Variants in RBFOX1 observed in about 807,000 individuals in gnomAD.
RBFOX1 encodes the protein RNA binding fox-1 homolog 1.
Under a neutral mutation model 57.7 loss-of-function variants are expected in RBFOX1, and 8 were observed. The observed-to-expected ratio is 0.14, with a 90% CI of 0.08 to 0.25. RBFOX1 has a LOEUF of 0.25. Ranked by LOEUF, RBFOX1 falls within the 10% of genes least tolerant of loss-of-function variation. RBFOX1 has a pLI of 1.00. For missense variants in RBFOX1, 611 were observed against 548.5 expected (o/e 1.11, Z -1.14); for synonymous variants, 326 against 222.4 (o/e 1.47, Z -4.15).
intron 1 of RBFOX1, among the ~76,000 whole-genome samples, chr16:6,217,564 G>A (rs2097343954): frequency 1.3e-5 from 2 of 152,170 alleles, no homozygotes; most frequent in Non-Finnish European, 2.9e-5. Flanking sequence ...GAAGAAGACT[G>A]TGCGCCTCCT....
At chr16:7,687,967 G>A (rs1017080200) in intron 14 of RBFOX1, among the ~76,000 whole-genome samples, 5 of 152,008 alleles carry the variant, frequency 3.3e-5, no homozygotes, top group Non-Finnish European at 5.9e-5. Flanking sequence ...TTAAATGACC[G>A]GGGTGTGGGC....
At chr16:5,596,470 A>G (rs1321472540) in intron 2 of RBFOX1, among the ~76,000 whole-genome samples, 1 of 152,160 alleles carries the variant, frequency 6.6e-6, no homozygotes, top group Non-Finnish European at 1.5e-5. Flanking sequence ...TGTTACTGAG[A>G]AAGACAGATT....
chr16:6,867,858 G>A (rs771036742), intron 3 of RBFOX1, among the ~76,000 whole-genome samples: 4 of 152,250 alleles, frequency 2.6e-5, no homozygotes, highest in Admixed American at 6.5e-5. Context: ...GCTGACAGGT[G>A]TCCCAGTTTC....
intron 3 of RBFOX1, among the ~76,000 whole-genome samples, chr16:5,625,962 C>T (rs1051341948): frequency 5.9e-5 from 9 of 152,270 alleles, no homozygotes; most frequent in East Asian, 3.9e-4. Flanking sequence ...CTGCACCCTC[C>T]GCCTCCTGGG....
intron 3 of RBFOX1, among the ~76,000 whole-genome samples, chr16:6,691,249 G>A (rs923893505): frequency 1.3e-5 from 2 of 152,102 alleles, no homozygotes; most frequent in Admixed American, 1.3e-4. Flanking sequence ...AATTATTCCC[G>A]TGTCTATACA....
chr16:6,138,722 CA>C (rs2096687943), intron 1 of RBFOX1, among the ~76,000 whole-genome samples: 3 of 152,078 alleles, frequency 2.0e-5, no homozygotes, highest in African/African-American at 7.2e-5. Flanking sequence ...AAAAAATTAG[CA>C]AGGGTTGGTG....
intron 10 of RBFOX1, among the ~76,000 whole-genome samples, chr16:7,622,241 G>C (rs1177195051): frequency 1.3e-5 from 2 of 151,716 alleles, no homozygotes; most frequent in South Asian, 2.1e-4. Flanking sequence ...CAAGGAAAAA[G>C]AGTTCTCTAT....
intron 1 of RBFOX1, among the ~76,000 whole-genome samples, chr16:5,356,514 G>C (rs754300894): frequency 3.3e-5 from 5 of 152,174 alleles, no homozygotes; most frequent in Non-Finnish European, 7.3e-5. Context: ...TGTGCTTTGG[G>C]GGAAAGGATA....
intron 2 of RBFOX1, among the ~76,000 whole-genome samples, chr16:6,408,997 T>C (rs2093373766): frequency 6.6e-6 from 1 of 152,218 alleles, no homozygotes; most frequent in South Asian, 2.1e-4. Context: ...TTCTGTTTTG[T>C]TCATCAATGC....
In RBFOX1 at chr16:6,543,448, T is replaced by C. The variant is rs144729031; in HGVS notation, c.-63-111155T>C. Among the ~76,000 whole-genome samples the C allele has an allele frequency of 3.3e-5, 5 of 152,256 alleles. No homozygotes were observed. In the East Asian group the frequency reaches 9.7e-4, roughly 29 times the overall value. On this transcript the variant is annotated intron_variant, in intron 2 of 15. Transcript: ENST00000550418. ...TGATTCAAGCCTGCTTGCAGAGGCATTTTCTTTCTTGACTCTGACATGTGG... is the reference window on the plus strand; with the variant it reads ...TGATTCAAGCCTGCTTGCAGAGGCACTTTCTTTCTTGACTCTGACATGTGG...
intron 4 of RBFOX1, among the ~76,000 whole-genome samples, chr16:7,159,417 A>ATTAGCATCT (rs2077821742): frequency 6.6e-6 from 1 of 152,118 alleles, no homozygotes; most frequent in South Asian, 2.1e-4. Flanking sequence ...ACGGGACAGG[A>ATTAGCATCT]TTAGCATCTA....
chr16:5,948,428 C>A (rs892860722), intron 4 of RBFOX1, among the ~76,000 whole-genome samples: 7 of 152,118 alleles, frequency 4.6e-5, no homozygotes, highest in Non-Finnish European at 1.0e-4. Context: ...AGCGTCTGCC[C>A]AAAATTCATG....
intron 3 of RBFOX1, among the ~76,000 whole-genome samples, chr16:6,766,542 A>T (rs11859094): frequency 1.3e-5 from 2 of 151,590 alleles, no homozygotes; most frequent in Non-Finnish European, 2.9e-5. Context: ...ACTTTCTGCA[A>T]TGACACCCAT....
In RBFOX1 at chr16:5,533,551, A is replaced by G. The variant is rs549059329; in HGVS notation, c.259-65351A>G. On this transcript the variant is annotated intron_variant, in intron 2 of 2. Coordinates refer to the RBFOX1 transcript ENST00000585867. Reference sequence around the variant, plus strand: ...ATTTAAAGTCTGAGCAGACTCCGTGACAACTTCAAACAGAGGCTTGGCTGA... The same window carrying G: ...ATTTAAAGTCTGAGCAGACTCCGTGGCAACTTCAAACAGAGGCTTGGCTGA... Among the ~76,000 whole-genome samples the G allele has an allele frequency of 3.3e-5, 5 of 152,312 alleles. No individual in the cohort carries two copies. The East Asian group carries it at 9.7e-4, about 29-fold the overall frequency.
At chr16:6,520,186 A>C (rs2096471366) in intron 2 of RBFOX1, among the ~76,000 whole-genome samples, 1 of 152,200 alleles carries the variant, frequency 6.6e-6, no homozygotes, top group African/African-American at 2.4e-5. Flanking sequence ...CTCTAAATTA[A>C]AAGCTTCCAA....
intron 3 of RBFOX1, among the ~76,000 whole-genome samples, chr16:6,742,127 A>T (rs1322409383): frequency 2.0e-5 from 3 of 152,182 alleles, no homozygotes; most frequent in African/African-American, 7.2e-5. Context: ...TGTCAATTTT[A>T]AAATGTCAAA....
intron 2 of RBFOX1, among the ~76,000 whole-genome samples, chr16:5,594,048 G>A (rs2047100625): frequency 6.6e-6 from 1 of 151,818 alleles, no homozygotes; most frequent in African/African-American, 2.4e-5. Flanking sequence ...GCCTTGGCTT[G>A]GAGCTTTGCA....
chr16:5,767,795 G>C (rs2053839470), intron 3 of RBFOX1, among the ~76,000 whole-genome samples: 1 of 152,142 alleles, frequency 6.6e-6, no homozygotes, highest in South Asian at 2.1e-4. Flanking sequence ...ATACTCAGCA[G>C]TACCAAAATG....
chr16:6,045,173 G>C (rs997420772), intron 1 of RBFOX1, among the ~76,000 whole-genome samples: 2 of 152,200 alleles, frequency 1.3e-5, no homozygotes, highest in African/African-American at 4.8e-5. Context: ...TGCTGATTCA[G>C]TAAGTCTAGG....
Sources: allele counts gnomAD v4.1 joint callset (sites outside exome capture counted in the v4.1 genomes callset), GRCh38; gene constraint gnomAD v4.1.1; transcripts MANE v1.5; gene names NCBI Gene and HGNC (gene_info 2026-07-23, HGNC 2026-07-21).